The following CAB39 variants were observed in gnomAD, a reference collection of about 807,000 sequenced individuals.
CAB39 encodes calcium binding protein 39, also known as calcium-binding protein 39.
A neutral mutation model predicts 40.0 loss-of-function variants in CAB39; 8 were observed. The observed-to-expected ratio is 0.20, with a 90% CI of 0.12 to 0.36. The LOEUF is 0.36. Ranked by LOEUF, CAB39 falls within the 10% of genes least tolerant of loss-of-function variation. CAB39 has a pLI of 1.00. For synonymous variants in CAB39, 156 were observed against 141.6 expected, an observed-to-expected ratio of 1.10 and a Z score of -0.72; for missense variants, 270 against 401.1, an observed-to-expected ratio of 0.67 and a Z score of 2.79.
intron 4 of CAB39, among the ~76,000 whole-genome samples, chr2:230,794,850 A>G (rs1347504310): frequency 6.6e-6 from 1 of 152,074 alleles, no homozygotes; most frequent in Non-Finnish European, 1.5e-5. Flanking sequence ...ATCACTCAGT[A>G]TGCATCCCTA....
chr2:230,744,033 C>G (rs556231592), intron 1 of CAB39, among the ~76,000 whole-genome samples: 1 of 151,578 alleles, frequency 6.6e-6, no homozygotes, highest in East Asian at 1.9e-4. Context: ...GATTCTCCTG[C>G]CTCAGCCTCC....
chr2:230,779,580 T>C (rs1045916489), intron 2 of CAB39: 1 of 152,256 alleles, frequency 6.6e-6, no homozygotes, highest in African/African-American at 2.4e-5. Flanking sequence ...GGCTAACTGG[T>C]ACATAGAAAT....
At position 230,771,717 on chromosome 2, in the gene CAB39, G is replaced by A. The variant is rs193278097; in HGVS notation, c.114+11602G>A. Among the ~76,000 whole-genome samples the A allele has an allele frequency of 6.6e-5, 10 of 152,230 alleles. No individual in the cohort carries two copies. In the East Asian group the frequency reaches 7.7e-4, roughly 12 times the overall value. Reference sequence around the variant, plus strand: ...CTGATTTCTAGACTTAAAAAGCTACGGTTGTTAAAACAGTGTGGTGTCAGT... The same window carrying A: ...CTGATTTCTAGACTTAAAAAGCTACAGTTGTTAAAACAGTGTGGTGTCAGT... On this transcript the variant is annotated intron_variant, in intron 2 of 8. Coordinates refer to ENST00000258418, the MANE Select transcript of CAB39 (RefSeq NM_016289.4).
intron 4 of CAB39, among the ~76,000 whole-genome samples, chr2:230,798,405 T>G (rs761696703): frequency 1.3e-5 from 2 of 152,226 alleles, no homozygotes; most frequent in Non-Finnish European, 2.9e-5. Flanking sequence ...AGCTAACCCC[T>G]GTATGGAGTG....
At chr2:230,714,662 T>C (rs1419824392) in intron 1 of CAB39, among the ~76,000 whole-genome samples, 1 of 152,258 alleles carries the variant, frequency 6.6e-6, no homozygotes, top group Non-Finnish European at 1.5e-5. Flanking sequence ...TGGTTAGTAA[T>C]ATTCTGCTGT....
At chr2:230,813,995 T>TTTTTTTTTTTTTTTTTTTTTTTC (rs1696352769) in intron 6 of CAB39, 54 bp from the exon 7 acceptor site, 1 of 434,398 alleles carries the variant, frequency 2.3e-6, no homozygotes, top group Non-Finnish European at 4.0e-6. Context: ...TTTTTTTTTT[T>TTTTTTTTTTTTTTTTTTTTTTTC]TTTTTTTTTT....
At chr2:230,729,551 A>C (rs1176264759) in intron 1 of CAB39, among the ~76,000 whole-genome samples, 1 of 152,014 alleles carries the variant, frequency 6.6e-6, no homozygotes, top group Non-Finnish European at 1.5e-5. Flanking sequence ...CAGGAGTTCA[A>C]ACCAGCCTGG....
intron 2 of CAB39, among the ~76,000 whole-genome samples, chr2:230,764,296 C>T (rs923339674): frequency 6.6e-6 from 1 of 152,042 alleles, no homozygotes; most frequent in African/African-American, 2.4e-5. Context: ...TGAGATATTC[C>T]ACACTTTATT....
intron 1 of CAB39, among the ~76,000 whole-genome samples, chr2:230,750,680 CAAA>C (rs1695070325): frequency 6.6e-6 from 1 of 152,038 alleles, no homozygotes; most frequent in South Asian, 2.1e-4. Context: ...CCCATTCATC[CAAA>C]AGCTGAATCA....
chr2:230,811,009 G>A (rs988268740), intron 6 of CAB39, among the ~76,000 whole-genome samples: 2 of 152,158 alleles, frequency 1.3e-5, no homozygotes, highest in African/African-American at 4.8e-5. Context: ...ACCACTGCCA[G>A]TTCTGCCAGC....
chr2:230,771,632 G>A (rs1312918834), intron 2 of CAB39, among the ~76,000 whole-genome samples: 1 of 152,204 alleles, frequency 6.6e-6, no homozygotes, highest in Non-Finnish European at 1.5e-5. Flanking sequence ...GAATGGAAGT[G>A]CAAAAGACCT....
At chr2:230,813,299 A>C (rs568410667) in intron 6 of CAB39, among the ~76,000 whole-genome samples, 1 of 152,334 alleles carries the variant, frequency 6.6e-6, no homozygotes, top group Admixed American at 6.5e-5. Flanking sequence ...ACCATCCAGC[A>C]GTGCCACTCT....
chr2:230,725,166 C>G, intron 1 of CAB39: 1 of 1,613,312 alleles, frequency 6.2e-7, no homozygotes, highest in South Asian at 1.1e-5. Flanking sequence ...TCGCACCACT[C>G]TCGAAGGCAG....
chr2:230,806,686 T>G (rs980182441), intron 5 of CAB39, among the ~76,000 whole-genome samples: 1 of 152,164 alleles, frequency 6.6e-6, no homozygotes, highest in African/African-American at 2.4e-5. Context: ...ATCTGTCAGC[T>G]CTGATGGTTC....
intron 2 of CAB39, among the ~76,000 whole-genome samples, chr2:230,774,454 A>T (rs530944599): frequency 3.5e-4 from 53 of 152,074 alleles, no homozygotes; most frequent in African/African-American, 1.1e-3. Flanking sequence ...TACCATCCTT[A>T]TTTTTAGGTA....
chr2:230,808,903 A>G (rs951264307), intron 5 of CAB39, among the ~76,000 whole-genome samples: 6 of 152,228 alleles, frequency 3.9e-5, no homozygotes, highest in Non-Finnish European at 8.8e-5. Context: ...CTTACTATGC[A>G]CTGGGCACTG....
chr2:230,762,780 TACTC>T (rs1398318752), intron 2 of CAB39, among the ~76,000 whole-genome samples: 1 of 152,230 alleles, frequency 6.6e-6, no homozygotes, highest in African/African-American at 2.4e-5. Flanking sequence ...GGGGATATAA[TACTC>T]AATAAGATGA....
At chr2:230,798,969 C>A in intron 5 of CAB39, 72 bp downstream of exon 5, 1 of 1,169,620 alleles carries the variant, frequency 8.5e-7, no homozygotes, top group Non-Finnish European at 1.2e-6. Context: ...CCTTCATTGC[C>A]CTCCTAAATC....
intron 5 of CAB39, among the ~76,000 whole-genome samples, chr2:230,802,074 G>A (rs1183563368): frequency 6.6e-6 from 1 of 152,112 alleles, no homozygotes; most frequent in Admixed American, 6.6e-5. Flanking sequence ...GCCTGTGTAA[G>A]GTTCTAGAAA....
Sources: allele counts gnomAD v4.1 joint callset (sites outside exome capture counted in the v4.1 genomes callset), GRCh38; gene constraint gnomAD v4.1.1; transcripts MANE v1.5; gene names NCBI Gene and HGNC (gene_info 2026-07-23, HGNC 2026-07-21).